PCDHGA6: variants seen among roughly 807,000 people sequenced by gnomAD.
The protein encoded by PCDHGA6 is protocadherin gamma-A6.
Under a neutral mutation model 60.6 loss-of-function variants are expected in PCDHGA6, and 41 were observed. That is an observed-to-expected ratio of 0.68 (90% CI 0.53 to 0.88). The LOEUF (loss-of-function observed/expected upper bound fraction) is 0.88, where lower values mean the gene tolerates loss of function less well. PCDHGA6 is among the 40% of genes least tolerant of loss of function. PCDHGA6 has a pLI of 0.00. For synonymous variants in PCDHGA6, 594 were observed against 524.4 expected (o/e 1.13, Z -1.81); for missense variants, 1,312 against 1,203.0 (o/e 1.09, Z -1.34).
chr5:141,384,219 G>A lies in PCDHGA6; in HGVS notation c.2424+7712G>A, dbSNP rs1283583728. The A allele has an allele frequency of 2.5e-6, 4 of 1,613,744 alleles. No individual in the cohort carries two copies. The East Asian group carries it at 8.9e-5, about 36-fold the overall frequency. On this transcript the variant is annotated intron_variant, in intron 1 of 3. Coordinates refer to ENST00000517434, the MANE Select transcript of PCDHGA6 (RefSeq NM_018919.3). ...TGTCCAGGGAAACTCACATATTCAT[G>A]CAGGTGGCAGACACCAACGATAACC... is the stretch of plus-strand genomic sequence containing the variant.
At chr5:141,472,507 T>G (rs919448316) in intron 1 of PCDHGA6, among the ~76,000 whole-genome samples, 2 of 151,872 alleles carry the variant, frequency 1.3e-5, no homozygotes, top group African/African-American at 4.8e-5. Context: ...GCCACTGCAC[T>G]CCAGCCTGGG....
At chr5:141,470,589 G>A (rs1593264687) in intron 1 of PCDHGA6, among the ~76,000 whole-genome samples, 1 of 152,300 alleles carries the variant, frequency 6.6e-6, no homozygotes, top group East Asian at 1.9e-4. Flanking sequence ...TCATAGGCAG[G>A]CGACCTGTGC....
intron 1 of PCDHGA6, chr5:141,415,979 C>T (rs2095978015): frequency 2.8e-6 from 1 of 351,190 alleles, no homozygotes; most frequent in Middle Eastern, 8.3e-4. Flanking sequence ...TTAAGCAACC[C>T]TCTTGTTCTG....
chr5:141,378,002 A>G (rs111381371), intron 1 of PCDHGA6: 1 of 152,236 alleles, frequency 6.6e-6, no homozygotes, highest in Non-Finnish European at 1.5e-5. Flanking sequence ...AGCTTGGCTC[A>G]AATAAGCTCT....
intron 1 of PCDHGA6, among the ~76,000 whole-genome samples, chr5:141,397,821 T>C (rs1225096146): frequency 2.0e-5 from 3 of 152,238 alleles, no homozygotes; most frequent in African/African-American, 7.2e-5. Context: ...AAACAATTAC[T>C]GCACTGGTTA....
chr5:141,449,854 T>C (rs769118919), intron 1 of PCDHGA6, among the ~76,000 whole-genome samples: 7 of 151,974 alleles, frequency 4.6e-5, no homozygotes, highest in South Asian at 4.1e-4. Context: ...ATTTTAATAA[T>C]AAAAATCAGA....
At chr5:141,384,960 T>C in intron 1 of PCDHGA6, 4 of 1,613,970 alleles carry the variant, frequency 2.5e-6, no homozygotes, top group Non-Finnish European at 3.4e-6. Flanking sequence ...CTTACAACTA[T>C]GACCTCACGT....
rs778770720 is a variant in PCDHGA6 at position 141,375,689 on chromosome 5, G to C, written c.1606G>C (p.Asp536His). Residue 536 changes from aspartate (D) to histidine (H), a missense_variant, in exon 1 of 4, where the codon GAC becomes CAC. Physicochemically the swap from Asp to His is moderately conservative, Grantham distance 81 (BLOSUM62 -1). Coordinates refer to ENST00000517434, the MANE Select transcript of PCDHGA6 (RefSeq NM_018919.3). ...CCTACAGCTGTGGGTGACAGCCAGC[G>C]ACAGCGGGGACCCGCCTCTTAGCAG... The part of the protein sequence containing the change: ...RDLQLWVTAS[D>H]SGDPPLSSNV... 4 of 1,614,250 alleles carry C rather than the reference G, an allele frequency of 2.5e-6. No individual in the cohort carries two copies. In the Admixed American group the frequency reaches 6.7e-5, roughly 27 times the overall value.
chr5:141,393,057 G>A lies in PCDHGA6; in HGVS notation c.2424+16550G>A, dbSNP rs1273747847. On this transcript the variant is annotated intron_variant, in intron 1 of 3. Transcript: ENST00000517434. ...GCTCTTTGCTCTGAACCCGCGCAGC[G>A]GCAGCTTGATCACCGCGGGCAGGAT... 6 of 1,613,514 alleles carry A rather than the reference G, an allele frequency of 3.7e-6. No homozygotes were observed. The African/African-American group carries it at 4.0e-5, about 11-fold the overall frequency.
chr5:141,436,875 A>C (rs1182313546), intron 1 of PCDHGA6, among the ~76,000 whole-genome samples: 3 of 152,236 alleles, frequency 2.0e-5, no homozygotes, highest in African/African-American at 7.2e-5. Context: ...TTAGGCCATA[A>C]AAGATGGGGG....
chr5:141,446,408 C>A (rs1211716327), intron 1 of PCDHGA6, among the ~76,000 whole-genome samples: 1 of 151,898 alleles, frequency 6.6e-6, no homozygotes, highest in African/African-American at 2.4e-5. Flanking sequence ...GAGTTGAGTT[C>A]CAGCCATGTT....
chr5:141,489,061 C>A lies in PCDHGA6; in HGVS notation c.2425-5746C>A. On this transcript the variant is annotated intron_variant, in intron 1 of 3. Coordinates refer to ENST00000517434, the MANE Select transcript of PCDHGA6 (RefSeq NM_018919.3). This position sits in a 1 kb window ranked among gnomAD's most constrained non-coding sequence, Gnocchi z 4.5. ...AGCTCCACTCAAATTCAGCTCCCCT[C>A]CCCCCTGCCCACCCCCGCCACTCGG... 5 of 347,080 alleles carry A rather than the reference C, an allele frequency of 1.4e-5. No individual in the cohort carries two copies. The highest frequency in any genetic ancestry group is 2.2e-5 in the African/African-American group (1 of 46,422). 21.5% of individuals were successfully genotyped at this position (347,080 alleles called of 1,614,324 possible). A position where few individuals can be genotyped will look rare whatever the true frequency, so the allele number is the denominator to read the frequency against.
chr5:141,497,384 A>G (rs2099776099), intron 2 of PCDHGA6, among the ~76,000 whole-genome samples: 1 of 151,900 alleles, frequency 6.6e-6, no homozygotes, highest in African/African-American at 2.4e-5. Context: ...TGGGGTGAGC[A>G]CCTTACCCCT....
intron 1 of PCDHGA6, chr5:141,393,987 T>C (rs1361027983): frequency 1.2e-6 from 2 of 1,613,490 alleles, no homozygotes; most frequent in Admixed American, 3.3e-5. Flanking sequence ...TAATTTACCT[T>C]TTAAATTAGA....
At chr5:141,447,283 G>T (rs1194678678) in intron 1 of PCDHGA6, among the ~76,000 whole-genome samples, 1 of 152,122 alleles carries the variant, frequency 6.6e-6, no homozygotes, top group East Asian at 1.9e-4. Context: ...GGGACTACAG[G>T]CACATGCCAC....
At position 141,431,159 on chromosome 5, in the gene PCDHGA6, C is replaced by T. The variant is rs1017606383; in HGVS notation, c.2424+54652C>T. Reference sequence around the variant, plus strand: ...CATTAACGACAATGCGCCTTACTTTCGTGAAAGTGAATTAGAAATAAAAAT... The same window carrying T: ...CATTAACGACAATGCGCCTTACTTTTGTGAAAGTGAATTAGAAATAAAAAT... On this transcript the variant is annotated intron_variant, in intron 1 of 3. Transcript: ENST00000517434. The surrounding 1 kb of genome is among the most constrained non-coding windows in gnomAD (Gnocchi z 4.8). 1 of 1,614,158 alleles carries T rather than the reference C, an allele frequency of 6.2e-7. No individual in the cohort carries two copies. The highest frequency in any genetic ancestry group is 1.3e-5 in the African/African-American group (1 of 75,046).
chr5:141,474,499 C>T (rs1480109147), intron 1 of PCDHGA6, among the ~76,000 whole-genome samples: 1 of 152,198 alleles, frequency 6.6e-6, no homozygotes, highest in Non-Finnish European at 1.5e-5. Context: ...TCTTCTAATG[C>T]CTATCAGCCC....
intron 1 of PCDHGA6, among the ~76,000 whole-genome samples, chr5:141,462,897 G>A (rs2099049236): frequency 6.6e-6 from 1 of 152,130 alleles, no homozygotes; most frequent in South Asian, 2.1e-4. Context: ...TGTTTTGGAA[G>A]GCTATTATGT....
rs1480686339 is a variant in PCDHGA6, at chr5:141,415,643, A to G, written c.2424+39136A>G. ...TTTATTTTCATTTTTACTTTTGTTA[A>G]AAAAAAAAAGATTGGTTTTTACTTT... is the stretch of plus-strand genomic sequence containing the variant. On this transcript the variant is annotated intron_variant, in intron 1 of 3. Transcript: ENST00000517434. The G allele has an allele frequency of 5.1e-6, 8 of 1,571,752 alleles. No individual in the cohort carries two copies. In the South Asian group the frequency reaches 9.1e-5, roughly 18 times the overall value.
Sources: allele counts gnomAD v4.1 joint callset (sites outside exome capture counted in the v4.1 genomes callset), GRCh38; gene constraint gnomAD v4.1.1; non-coding constraint Gnocchi (gnomAD v3.1); transcripts MANE v1.5; gene names NCBI Gene and HGNC (gene_info 2026-07-23, HGNC 2026-07-21).